Variants in CFAP276 observed in about 807,000 individuals in gnomAD.
CFAP276 encodes cilia- and flagella-associated protein 276.
chr1:109,113,500 A>C, the CFAP276 span: 1 of 787,092 alleles, frequency 1.3e-6, no homozygotes, highest in Non-Finnish European at 2.0e-6. Flanking sequence ...AATTGCGGCT[A>C]AGGCAAACTC....
At chr1:109,106,104 G>A in the CFAP276 span, 2 of 1,607,222 alleles carry the variant, frequency 1.2e-6, no homozygotes, top group South Asian at 2.2e-5. Flanking sequence ...GGACACTGTG[G>A]AGAAAAGAGA....
chr1:109,106,883 TA>T, the CFAP276 span: 1 of 902,296 alleles, frequency 1.1e-6, no homozygotes, highest in Non-Finnish European at 1.7e-6. Flanking sequence ...GACACAGATG[TA>T]AAAATACAGA....
At chr1:109,106,442 T>TA in the CFAP276 span, 1 of 1,469,400 alleles carries the variant, frequency 6.8e-7, no homozygotes, top group Admixed American at 2.1e-5. Context: ...TCATCTTCCC[T>TA]ACTGTCCAAT....
the CFAP276 span, among the ~76,000 whole-genome samples, chr1:109,110,218 C>G: frequency 6.6e-6 from 1 of 152,200 alleles, no homozygotes. Flanking sequence ...CTGACCCCAG[C>G]CTCACTTCAT....
At chr1:109,113,416 A>AGAGAGAGAG in the CFAP276 span, among the ~76,000 whole-genome samples, 5 of 68,080 alleles carry the variant, frequency 7.3e-5, no homozygotes, top group East Asian at 1.0e-3. Context: ...GAGAGAGAGA[A>AGAGAGAGAG]AGAGAGAGAG....
At chr1:109,112,478 C>T in the CFAP276 span, 1 of 1,374,526 alleles carries the variant, frequency 7.3e-7, no homozygotes, top group African/African-American at 1.5e-5. Context: ...AAACAGACTT[C>T]CCTGGTACCC....
At chr1:109,107,700 G>C in the CFAP276 span, among the ~76,000 whole-genome samples, 1 of 149,474 alleles carries the variant, frequency 6.7e-6, no homozygotes, top group Non-Finnish European at 1.5e-5. Context: ...ATCAGCCTGA[G>C]CAACATATCG....
chr1:109,107,865 A>AG, the CFAP276 span: 5 of 1,378,442 alleles, frequency 3.6e-6, no homozygotes, highest in Non-Finnish European at 5.0e-6. Context: ...GTGACAGGAA[A>AG]AAAAAAAAAA....
the CFAP276 span, chr1:109,107,915 A>G: frequency 6.4e-7 from 1 of 1,560,528 alleles, no homozygotes; most frequent in East Asian, 2.2e-5. Context: ...TTTCAATGCT[A>G]GGTACCTCGG....
the CFAP276 span, among the ~76,000 whole-genome samples, chr1:109,111,961 C>T: frequency 6.6e-6 from 1 of 152,134 alleles, no homozygotes; most frequent in East Asian, 1.9e-4. Context: ...TTTATATATC[C>T]TTGGCGTTTA....
At chr1:109,112,614 T>G in the CFAP276 span, 1 of 1,550,626 alleles carries the variant, frequency 6.4e-7, no homozygotes, top group Non-Finnish European at 8.7e-7. Flanking sequence ...AAGCCCGCAG[T>G]TCTCCTAAGT....
chr1:109,112,708 A>G, the CFAP276 span: 5 of 1,548,172 alleles, frequency 3.2e-6, no homozygotes, highest in South Asian at 6.0e-5. Context: ...TTTAAGAGGG[A>G]TGGGAGGCCC....
chr1:109,106,392 G>T, the CFAP276 span: 1 of 1,110,084 alleles, frequency 9.0e-7, no homozygotes. Context: ...TCTGGTACTT[G>T]CCAACTTAAT....
the CFAP276 span, chr1:109,112,491 C>A: frequency 7.1e-7 from 1 of 1,411,214 alleles, no homozygotes. Flanking sequence ...TGGTACCCGA[C>A]TGAGTGTCTT....
At chr1:109,107,785 G>T in the CFAP276 span, 1 of 665,442 alleles carries the variant, frequency 1.5e-6, no homozygotes, top group Non-Finnish European at 2.5e-6. Flanking sequence ...GGCAGAGGCA[G>T]GAGGATTGCC....
chr1:109,106,105 A>G, the CFAP276 span: 74 of 1,606,302 alleles, frequency 4.6e-5, no homozygotes, highest in Middle Eastern at 3.3e-4. Context: ...GACACTGTGG[A>G]GAAAAGAGAA....
At chr1:109,106,839 T>A in the CFAP276 span, 1 of 891,302 alleles carries the variant, frequency 1.1e-6, no homozygotes, top group Non-Finnish European at 1.7e-6. Flanking sequence ...TTTCTGTTCA[T>A]CTTAGACAGT....
the CFAP276 span, among the ~76,000 whole-genome samples, chr1:109,108,978 A>G: frequency 5.3e-5 from 8 of 152,226 alleles, no homozygotes; most frequent in Non-Finnish European, 5.9e-5. Context: ...AGTCCTCTCA[A>G]TAAAACTCCA....
At chr1:109,113,469 G>GAGAGAGAGAGAGA in the CFAP276 span, among the ~76,000 whole-genome samples, 2 of 74,936 alleles carry the variant, frequency 2.7e-5, no homozygotes, top group African/African-American at 1.5e-4. Flanking sequence ...AGAGAGAGAG[G>GAGAGAGAGAGAGA]CCCACGTGCG....
Sources: allele counts gnomAD v4.1 joint callset (sites outside exome capture counted in the v4.1 genomes callset), GRCh38; gene constraint gnomAD v4.1.1; transcripts MANE v1.5; gene names NCBI Gene and HGNC (gene_info 2026-07-23, HGNC 2026-07-21).